SCAMP4: variants seen among roughly 807,000 people sequenced by gnomAD.
SCAMP4 encodes secretory carrier membrane protein 4.
A neutral mutation model predicts 32.1 loss-of-function variants in SCAMP4; 19 were observed. The observed-to-expected ratio is 0.59, with a 90% CI of 0.41 to 0.87. The LOEUF is 0.87. SCAMP4 is among the 40% of genes least tolerant of loss of function. The probability of loss-of-function intolerance (pLI) is 0.00; values close to 1 mark genes in which losing one functional copy is unlikely to be tolerated. For missense variants in SCAMP4, 302 were observed against 309.0 expected (o/e 0.98, Z 0.17); for synonymous variants, 152 against 132.7 (o/e 1.15, Z -1.00).
At chr19:1,923,281 G>A (rs2013978990) in intron 6 of SCAMP4, 94 bp downstream of exon 6, 1 of 1,095,362 alleles carries the variant, frequency 9.1e-7, no homozygotes, top group Non-Finnish European at 1.3e-6. Context: ...GAGGAGCCGG[G>A]CCCTCTCCCC....
At chr19:1,910,880 G>A (rs1269390678) in intron 1 of SCAMP4, among the ~76,000 whole-genome samples, 1 of 136,410 alleles carries the variant, frequency 7.3e-6, no homozygotes, top group Non-Finnish European at 1.6e-5. Flanking sequence ...TGGCTTTTTT[G>A]TTGTTTTTTG....
At chr19:1,909,399 G>A (rs958586741) in intron 1 of SCAMP4, among the ~76,000 whole-genome samples, 9 of 152,146 alleles carry the variant, frequency 5.9e-5, no homozygotes, top group African/African-American at 2.2e-4. Flanking sequence ...AGAGCTGGGG[G>A]CCCCACCAGC....
chr19:1,905,426 C>T lies in SCAMP4; in HGVS notation c.-55C>T, dbSNP rs1218421891. The T allele has an allele frequency of 2.2e-6, 1 of 463,206 alleles. No homozygotes were observed. The highest frequency in any genetic ancestry group is 2.4e-5 in the Admixed American group (1 of 41,814). 28.7% of individuals were successfully genotyped at this position (463,206 alleles called of 1,614,324 possible). A position where few individuals can be genotyped will look rare whatever the true frequency, so the allele number is the denominator to read the frequency against. On this transcript the variant is annotated 5_prime_UTR_variant, in exon 1 of 7. Coordinates refer to ENST00000316097, the MANE Select transcript of SCAMP4 (RefSeq NM_079834.4). ...GACTTGGCGAAGCGCTGCGCTCGCG[C>T]CCGGATCCCTCAGGTAAGCGCGCGG... is the stretch of plus-strand genomic sequence containing the variant.
At position 1,911,959 on chromosome 19, in the gene SCAMP4, A is replaced by G. The variant is rs768824943; in HGVS notation, c.-41-3020A>G. On this transcript the variant is annotated intron_variant, in intron 1 of 6. Transcript: ENST00000316097. ...GGGCCGGAGCCCTCGGACTAGCCTCAGCTTTGGTGGCAGCACGCCCTGCCT... is the reference window on the plus strand; with the variant it reads ...GGGCCGGAGCCCTCGGACTAGCCTCGGCTTTGGTGGCAGCACGCCCTGCCT... The G allele has an allele frequency of 2.7e-4, 383 of 1,399,364 alleles. 2 individuals carry two copies. Among genetic ancestry groups the G allele is most frequent in the Non-Finnish European group, 5.8e-5 (63 of 1,082,030 alleles). The allele number at this position is 1,399,364 out of a possible 1,614,324, so 86.7% of individuals were successfully genotyped here.
At chr19:1,915,156 C>A in intron 2 of SCAMP4, 130 bp downstream of exon 2, 2 of 1,085,468 alleles carry the variant, frequency 1.8e-6, no homozygotes, top group Middle Eastern at 2.9e-4. Flanking sequence ...TCTGACTCCT[C>A]GGGTCCCGTA....
intron 1 of SCAMP4, chr19:1,912,768 G>A (rs1272504975): frequency 3.2e-6 from 5 of 1,562,618 alleles, no homozygotes; most frequent in East Asian, 2.4e-5. Context: ...CCTGCACGCC[G>A]TCATGGTGTG....
chr19:1,923,008 C>G, intron 5 of SCAMP4, 62 bp from the exon 6 acceptor site: 1 of 1,466,524 alleles, frequency 6.8e-7, no homozygotes, highest in Non-Finnish European at 9.1e-7. Flanking sequence ...GACCATGGGC[C>G]GGACCATGGG....
chr19:1,918,630 C>T (rs536896447), intron 4 of SCAMP4: 35 of 541,640 alleles, frequency 6.5e-5, no homozygotes, highest in Admixed American at 9.8e-5. Context: ...GGCGTGGTTG[C>T]GGGCGCCTAT....
At chr19:1,923,615 C>CTTTT (rs35226425) in intron 6 of SCAMP4, among the ~76,000 whole-genome samples, 5,075 of 86,382 alleles carry the variant, frequency 0.059, 747 homozygotes, top group African/African-American at 0.13. Flanking sequence ...CAGCAAAATG[C>CTTTT]TTTTTTTTTT....
intron 1 of SCAMP4, among the ~76,000 whole-genome samples, chr19:1,910,188 G>A (rs1299404493): frequency 2.0e-5 from 3 of 152,220 alleles, no homozygotes; most frequent in Non-Finnish European, 4.4e-5. Flanking sequence ...CACCGGGCTG[G>A]AACCCAGGTG....
rs1304620717 is a variant in SCAMP4, at chr19:1,912,922, C to CCTACCTGTGCACTGGCTA, written c.-41-2055_-41-2038dup. On this transcript the variant is annotated intron_variant, in intron 1 of 6. Coordinates refer to ENST00000316097, the MANE Select transcript of SCAMP4 (RefSeq NM_079834.4). Reference sequence around the variant, plus strand: ...CTGGACGCAGACGAGGACGGCCTCCCCTACCTGTGCACTGGCTACGACCTG... The same window carrying CCTACCTGTGCACTGGCTA: ...CTGGACGCAGACGAGGACGGCCTCCCCTACCTGTGCACTGGCTACTACCTGTGCACTGGCTACGACCTG... 3.1e-6 allele frequency: 5 copies of CCTACCTGTGCACTGGCTA among 1,610,028 alleles called. No individual in the cohort carries two copies. In the African/African-American group the frequency reaches 6.7e-5, roughly 21 times the overall value.
rs1465493445 is a variant in SCAMP4 at position 1,925,640 on chromosome 19, A to AC, written c.*1361dup. 6.6e-6 allele frequency: 1 copy of AC among 150,454 alleles called. No homozygotes were observed. The highest frequency in any genetic ancestry group is 2.5e-5 in the African/African-American group (1 of 40,454). The allele number at this position is 150,454 out of a possible 1,614,324, so 9.3% of individuals were successfully genotyped here. On this transcript the variant is annotated 3_prime_UTR_variant, in exon 7 of 7. Transcript: ENST00000316097. ...GGCTGCCACCCCTCCCCACCCGTTC[A>AC]CCCCCAGGATGCTGTTGCTGTAGGA...
chr19:1,910,236 G>A (rs576415329), intron 1 of SCAMP4, among the ~76,000 whole-genome samples: 4 of 152,220 alleles, frequency 2.6e-5, no homozygotes, highest in African/African-American at 9.6e-5. Context: ...GGCTCAACGG[G>A]GGTGGCATCT....
intron 2 of SCAMP4, among the ~76,000 whole-genome samples, chr19:1,916,365 G>A (rs750492704): frequency 6.6e-6 from 1 of 152,188 alleles, no homozygotes; most frequent in Non-Finnish European, 1.5e-5. Flanking sequence ...AGGCAGGAAG[G>A]CTCCTTCCCC....
At chr19:1,916,451 A>G (rs8109669) in intron 2 of SCAMP4, among the ~76,000 whole-genome samples, 29,818 of 151,786 alleles carry the variant, frequency 0.2, 3,627 homozygotes, top group African/African-American at 0.32. Flanking sequence ...TAGCAGATAA[A>G]TATTTGTTGT....
At position 1,905,537 on chromosome 19, in the gene SCAMP4, C is replaced by T. The variant is rs574879440; in HGVS notation, c.-42+98C>T. 1,839 of 334,266 alleles carry T rather than the reference C, an allele frequency of 5.5e-3. 18 individuals carry two copies. The highest frequency in any genetic ancestry group is 0.014 in the Middle Eastern group (28 of 1,988). 20.7% of individuals were successfully genotyped at this position (334,266 alleles called of 1,614,324 possible). On this transcript the variant is annotated intron_variant, in intron 1 of 6. Transcript: ENST00000316097. ...GGGGGGTCTCGGCGGTGAGGGGCGCCGGCCGTTTGTGGGGAGAAAACGGGG... is the reference window on the plus strand; with the variant it reads ...GGGGGGTCTCGGCGGTGAGGGGCGCTGGCCGTTTGTGGGGAGAAAACGGGG...
chr19:1,924,799 T>C lies in SCAMP4; in HGVS notation c.*515T>C, dbSNP rs2014047358. 5.5e-6 allele frequency: 1 copy of C among 180,328 alleles called. No homozygotes were observed. Among genetic ancestry groups the C allele is most frequent in the South Asian group, 1.2e-4 (1 of 8,358 alleles). The allele number at this position is 180,328 out of a possible 1,614,324, so 11.2% of individuals were successfully genotyped here. On this transcript the variant is annotated 3_prime_UTR_variant, in exon 7 of 7. Transcript: ENST00000316097. ...CCGGTCCCCTGCAGTGATAGAGGGC[T>C]TGGTGCCTAGCTGAGTCCTCGCTGT...
At chr19:1,923,279 G>A (rs1055827283) in intron 6 of SCAMP4, 92 bp downstream of exon 6, 338 of 1,125,476 alleles carry the variant, frequency 3.0e-4, no homozygotes, top group South Asian at 9.0e-4. Flanking sequence ...TCGAGGAGCC[G>A]GGCCCTCTCC....
At chr19:1,914,607 G>A (rs1281643455) in intron 1 of SCAMP4, 4 of 270,068 alleles carry the variant, frequency 1.5e-5, no homozygotes, top group African/African-American at 2.2e-5. Context: ...GGTGCCATGC[G>A]GATGCGATGG....
Sources: allele counts gnomAD v4.1 joint callset (sites outside exome capture counted in the v4.1 genomes callset), GRCh38; gene constraint gnomAD v4.1.1; transcripts MANE v1.5; gene names NCBI Gene and HGNC (gene_info 2026-07-23, HGNC 2026-07-21).